Variants in TUT4 observed in about 807,000 individuals in gnomAD.
TUT4 encodes terminal uridylyl transferase 4.
Under a neutral mutation model 192.2 loss-of-function variants are expected in TUT4, and 36 were observed. The ratio of observed to expected loss-of-function variants is 0.19; its 90% CI spans 0.14 to 0.25. TUT4 has a LOEUF of 0.25. Among genes scored for constraint, TUT4 ranks in the 10% least tolerant of loss-of-function variants. The pLI is 1.00. For missense variants in TUT4, 1,493 were observed against 1,957.2 expected (o/e 0.76, Z 4.47); for synonymous variants, 618 against 666.0 (o/e 0.93, Z 1.11).
At chr1:52,540,418 G>C (rs1214227135) in intron 1 of TUT4, among the ~76,000 whole-genome samples, 7 of 151,454 alleles carry the variant, frequency 4.6e-5, no homozygotes, top group Non-Finnish European at 1.0e-4. Context: ...AGGAGGCTGA[G>C]GCAGAAGAAT....
At chr1:52,449,607 T>C (rs1440838963) in intron 20 of TUT4, among the ~76,000 whole-genome samples, 1 of 152,232 alleles carries the variant, frequency 6.6e-6, no homozygotes, top group Non-Finnish European at 1.5e-5. Context: ...GCCTAACTTG[T>C]AATTTTTTAG....
intron 1 of TUT4, among the ~76,000 whole-genome samples, chr1:52,544,270 AGAGT>A (rs777900564): frequency 2.0e-5 from 3 of 151,002 alleles, no homozygotes; most frequent in Non-Finnish European, 3.0e-5. Flanking sequence ...CCTGGGCGAC[AGAGT>A]GAGACTCCAT....
intron 11 of TUT4, among the ~76,000 whole-genome samples, chr1:52,480,436 T>C (rs1314460162): frequency 6.6e-6 from 1 of 152,212 alleles, no homozygotes; most frequent in Non-Finnish European, 1.5e-5. Context: ...GATACAAGTT[T>C]TGGCAAACTG....
chr1:52,512,908 A>G, intron 3 of TUT4, among the ~76,000 whole-genome samples: 1 of 151,814 alleles, frequency 6.6e-6, no homozygotes, highest in Non-Finnish European at 1.5e-5. Context: ...TAAAAAAAAA[A>G]CAAAAACCTG....
intron 3 of TUT4, 200 bp downstream of exon 3, chr1:52,515,691 A>G: frequency 1.5e-6 from 1 of 660,556 alleles, no homozygotes; most frequent in South Asian, 2.0e-5. Context: ...AGTCAGACTC[A>G]CAGATAATAA....
At chr1:52,433,647 G>A (rs1185387435) in intron 27 of TUT4, 1 of 152,156 alleles carries the variant, frequency 6.6e-6, no homozygotes, top group Non-Finnish European at 1.5e-5. Flanking sequence ...TGAAAATTAG[G>A]GCAGCATAGA....
rs1670499384 is a variant in TUT4, at chr1:52,489,043, TG to T, written c.1389-9del. The T allele has an allele frequency of 1.9e-6, 3 of 1,603,874 alleles. No homozygotes were observed. Among genetic ancestry groups the T allele is most frequent in the Non-Finnish European group, 2.5e-6 (3 of 1,177,186 alleles). ...ACTCTACAAAGTAAACCACTGTGAA[TG>T]AGAAAGAAACAAATTTCATTGTATT... On this transcript the variant is annotated splice_polypyrimidine_tract_variant and intron_variant, in intron 8 of 29. Transcript: ENST00000257177.
At chr1:52,444,254 T>G (rs1373712176) in intron 24 of TUT4, among the ~76,000 whole-genome samples, 5 of 152,298 alleles carry the variant, frequency 3.3e-5, no homozygotes, top group Non-Finnish European at 5.9e-5. Context: ...AAAAAATTGT[T>G]TGGTTTTCCT....
intron 4 of TUT4, among the ~76,000 whole-genome samples, chr1:52,498,410 A>G (rs984569957): frequency 2.6e-5 from 4 of 151,562 alleles, no homozygotes; most frequent in African/African-American, 4.8e-5. Flanking sequence ...CGCCTGGCTA[A>G]TTTTTTTGTA....
At chr1:52,434,331 ACTCT>A (rs1300270482) in intron 27 of TUT4, 1 of 152,086 alleles carries the variant, frequency 6.6e-6, no homozygotes, top group Non-Finnish European at 1.5e-5. Flanking sequence ...TGATTTTTAT[ACTCT>A]CTTATTCTCA....
rs1664447392 is a variant in TUT4 at position 52,467,107 on chromosome 1, T to A, written c.2965+1074A>T. Among the ~76,000 whole-genome samples, 3 of 152,272 alleles carry A rather than the reference T, an allele frequency of 2.0e-5. No individual in the cohort carries two copies. In the South Asian group the frequency reaches 6.2e-4, roughly 32 times the overall value. ...CTGCAGTGAGCTATGATCATGCCAC[T>A]GCACTCCAGTCTGGGCAACAGAGTG... On this transcript the variant is annotated intron_variant, in intron 15 of 29. Coordinates refer to ENST00000257177, the MANE Select transcript of TUT4 (RefSeq NM_001009881.3).
upstream of TUT4, chr1:52,553,176 G>C (rs912611705): frequency 1.3e-5 from 2 of 152,622 alleles, no homozygotes; most frequent in South Asian, 2.1e-4. Flanking sequence ...TGAGGGGAGG[G>C]GGCGAGGGAG....
intron 1 of TUT4, among the ~76,000 whole-genome samples, chr1:52,529,554 C>T (rs1218349530): frequency 1.3e-5 from 2 of 151,970 alleles, no homozygotes; most frequent in Non-Finnish European, 2.9e-5. Flanking sequence ...ATTTTTAATG[C>T]TAGTCTGCTA....
At chr1:52,550,579 T>C (rs1315602013) in intron 1 of TUT4, among the ~76,000 whole-genome samples, 1 of 149,324 alleles carries the variant, frequency 6.7e-6, no homozygotes, top group Non-Finnish European at 1.5e-5. Flanking sequence ...TGTGCCTCAC[T>C]GCAACCTTGA....
At chr1:52,507,866 A>G (rs1484322867) in intron 4 of TUT4, among the ~76,000 whole-genome samples, 2 of 152,120 alleles carry the variant, frequency 1.3e-5, no homozygotes, top group African/African-American at 2.4e-5. Context: ...ACTAAAGTGA[A>G]GTGGTGTGAC....
At chr1:52,459,039 T>C (rs1487338649) in intron 19 of TUT4, among the ~76,000 whole-genome samples, 3 of 152,112 alleles carry the variant, frequency 2.0e-5, no homozygotes, top group Admixed American at 2.0e-4. Context: ...AGTCCCCTGA[T>C]GGTCTCGTGG....
intron 6 of TUT4, among the ~76,000 whole-genome samples, chr1:52,493,894 C>CAA (rs1192236417): frequency 6.6e-6 from 1 of 150,484 alleles, no homozygotes; most frequent in Non-Finnish European, 1.5e-5. Flanking sequence ...CTTCTGGGCT[C>CAA]AAAGACTCCT....
At chr1:52,528,859 C>T (rs940981768) in intron 1 of TUT4, among the ~76,000 whole-genome samples, 7 of 152,138 alleles carry the variant, frequency 4.6e-5, no homozygotes, top group East Asian at 1.9e-4. Flanking sequence ...AGAACACAGG[C>T]GCACACCACC....
chr1:52,521,088 C>G (rs907189134), intron 2 of TUT4, among the ~76,000 whole-genome samples: 1 of 152,112 alleles, frequency 6.6e-6, no homozygotes, highest in Non-Finnish European at 1.5e-5. Context: ...GCCACCGTGC[C>G]CGGCCAACTT....
Sources: gnomAD v4.1 joint callset for allele counts (sites outside exome capture counted in the v4.1 genomes callset) on GRCh38, gnomAD v4.1.1 for gene constraint, MANE v1.5 for transcripts, NCBI Gene and HGNC (gene_info 2026-07-23, HGNC 2026-07-21) for gene names.